TBXAS1: variants seen among roughly 807,000 people sequenced by gnomAD.
TBXAS1 encodes thromboxane-A synthase.
A neutral mutation model predicts 60.7 loss-of-function variants in TBXAS1; 48 were observed. That is an observed-to-expected ratio of 0.79 (90% confidence interval 0.63 to 1.01). The LOEUF (loss-of-function observed/expected upper bound fraction) is 1.01, where lower values mean the gene tolerates loss of function less well. Among genes scored for constraint, TBXAS1 ranks in the 50% least tolerant of loss-of-function variants. The pLI is 0.00. For missense variants in TBXAS1, 685 were observed against 686.3 expected (o/e 1.00, Z 0.02); for synonymous variants, 287 against 269.7 (o/e 1.06, Z -0.63).
intron 9 of TBXAS1, among the ~76,000 whole-genome samples, chr7:139,972,321 G>A (rs1811264234): frequency 6.6e-6 from 1 of 152,222 alleles, no homozygotes; most frequent in Non-Finnish European, 1.5e-5. Context: ...AAGCAAATAA[G>A]CTTGTGGGGT....
intron 5 of TBXAS1, among the ~76,000 whole-genome samples, chr7:139,944,978 G>A (rs1808587070): frequency 6.6e-6 from 1 of 152,200 alleles, no homozygotes; most frequent in South Asian, 2.1e-4. Flanking sequence ...AAGGAGCAAA[G>A]GAAATGTGGA....
intron 4 of TBXAS1, among the ~76,000 whole-genome samples, chr7:139,914,285 C>A (rs147379582): frequency 1.3e-5 from 2 of 152,092 alleles, no homozygotes; most frequent in African/African-American, 2.4e-5. Flanking sequence ...GATCCTCTCA[C>A]CTTGGCCTCC....
intron 8 of TBXAS1, among the ~76,000 whole-genome samples, chr7:139,961,366 G>A (rs1810321840): frequency 6.6e-6 from 1 of 152,198 alleles, no homozygotes; most frequent in Admixed American, 6.5e-5. Context: ...ATCTATCTAT[G>A]TGATGTTGCC....
At position 139,897,610 on chromosome 7, in the gene TBXAS1, G is replaced by T. The variant is rs143188859; in HGVS notation, c.237-13615G>T. Among the ~76,000 whole-genome samples, 137 of 152,242 alleles carry T rather than the reference G, an allele frequency of 9.0e-4. 6 individuals are homozygous for T. The East Asian group carries it at 0.018, about 20-fold the overall frequency. On this transcript the variant is annotated intron_variant, in intron 3 of 12. Coordinates refer to ENST00000448866, the MANE Select transcript of TBXAS1 (RefSeq NM_001061.7). ...AGTGGGAGGTCCAAAGTCTGGCCAG[G>T]AAGAGGACCAGGGATTGTACCAGCC...
At chr7:139,966,929 C>G (rs1240187090) in intron 9 of TBXAS1, among the ~76,000 whole-genome samples, 1 of 152,180 alleles carries the variant, frequency 6.6e-6, no homozygotes, top group Non-Finnish European at 1.5e-5. Context: ...TGAACGGATC[C>G]CCAAATCCTG....
At chr7:139,927,214 T>C (rs1806960074) in intron 4 of TBXAS1, among the ~76,000 whole-genome samples, 1 of 151,506 alleles carries the variant, frequency 6.6e-6, no homozygotes, top group Non-Finnish European at 1.5e-5. Flanking sequence ...GCCAGGCTGG[T>C]CTCAAACTCC....
At chr7:139,799,372 T>C (rs1797656680) in intron 4 of TBXAS1, among the ~76,000 whole-genome samples, 1 of 151,988 alleles carries the variant, frequency 6.6e-6, no homozygotes, top group South Asian at 2.1e-4. Flanking sequence ...GCTGGGACTA[T>C]AGGCGCACGC....
At chr7:139,933,792 G>A (rs1433843296) in intron 4 of TBXAS1, among the ~76,000 whole-genome samples, 1 of 150,314 alleles carries the variant, frequency 6.7e-6, no homozygotes, top group Non-Finnish European at 1.5e-5. Flanking sequence ...AAATGAAATA[G>A]CATCACCATG....
At chr7:139,946,776 G>T (rs2117266020) in intron 5 of TBXAS1, among the ~76,000 whole-genome samples, 1 of 152,274 alleles carries the variant, frequency 6.6e-6, no homozygotes, top group South Asian at 2.1e-4. Context: ...TTCAAGGGAG[G>T]TATTATTTTC....
At chr7:140,010,248 G>A (rs989476753) in intron 10 of TBXAS1, among the ~76,000 whole-genome samples, 1 of 152,162 alleles carries the variant, frequency 6.6e-6, no homozygotes, top group African/African-American at 2.4e-5. Flanking sequence ...CAAAGGATTT[G>A]GGGGTGAATG....
At chr7:139,822,027 C>G (rs955800013) in intron 4 of TBXAS1, among the ~76,000 whole-genome samples, 1 of 152,164 alleles carries the variant, frequency 6.6e-6, no homozygotes, top group Non-Finnish European at 1.5e-5. Flanking sequence ...TCAGGCCACA[C>G]GAGGAATTCA....
intron 5 of TBXAS1, among the ~76,000 whole-genome samples, chr7:139,952,107 G>C (rs1352265255): frequency 6.6e-6 from 1 of 152,184 alleles, no homozygotes; most frequent in Admixed American, 6.5e-5. Flanking sequence ...TGAGTGTCGG[G>C]TGCACTGTCA....
intron 3 of TBXAS1, among the ~76,000 whole-genome samples, chr7:139,783,364 A>AT (rs1008199424): frequency 1.3e-5 from 2 of 151,934 alleles, no homozygotes; most frequent in African/African-American, 2.4e-5. Flanking sequence ...AAAAAAAAAA[A>AT]ATGCAATCAG....
At chr7:139,971,982 T>C (rs1811228408) in intron 9 of TBXAS1, among the ~76,000 whole-genome samples, 1 of 152,146 alleles carries the variant, frequency 6.6e-6, no homozygotes, top group Non-Finnish European at 1.5e-5. Context: ...CAGAAGCCTG[T>C]AAGTGCACAC....
intron 1 of TBXAS1, among the ~76,000 whole-genome samples, chr7:139,866,605 A>T (rs1417675828): frequency 1.3e-5 from 2 of 151,464 alleles, no homozygotes; most frequent in East Asian, 3.9e-4. Context: ...AAAAAAAAAA[A>T]AAATTAGCCA....
At chr7:139,845,214 G>A (rs1369071096) in intron 1 of TBXAS1, among the ~76,000 whole-genome samples, 2 of 152,142 alleles carry the variant, frequency 1.3e-5, no homozygotes, top group East Asian at 1.9e-4. Context: ...TGCAGCCACC[G>A]GCTCACTGCT....
At chr7:139,800,794 C>T (rs1022041757) in intron 4 of TBXAS1, among the ~76,000 whole-genome samples, 1 of 152,210 alleles carries the variant, frequency 6.6e-6, no homozygotes, top group Non-Finnish European at 1.5e-5. Context: ...CATATTTCCT[C>T]ATGTCCTCTG....
intron 1 of TBXAS1, among the ~76,000 whole-genome samples, chr7:139,868,221 A>G (rs1299394113): frequency 6.6e-6 from 1 of 152,212 alleles, no homozygotes; most frequent in Non-Finnish European, 1.5e-5. Flanking sequence ...ATTGCGTATT[A>G]CCTGCTTTAC....
chr7:139,932,042 C>T (rs1282360162), intron 4 of TBXAS1, among the ~76,000 whole-genome samples: 3 of 151,782 alleles, frequency 2.0e-5, no homozygotes, highest in Non-Finnish European at 4.4e-5. Context: ...GATGGGGCAC[C>T]TGTAGTCCCA....
Sources: allele counts gnomAD v4.1 joint callset (sites outside exome capture counted in the v4.1 genomes callset), GRCh38; gene constraint gnomAD v4.1.1; transcripts MANE v1.5; gene names NCBI Gene and HGNC (gene_info 2026-07-23, HGNC 2026-07-21).